Variants in PCDHGA2 observed in about 807,000 individuals in gnomAD.
The protein encoded by PCDHGA2 is protocadherin gamma-A2.
In PCDHGA2, 40 loss-of-function variants were observed where a neutral mutation model predicts 59.2. That is an observed-to-expected ratio of 0.68 (90% CI 0.52 to 0.88). PCDHGA2 has a LOEUF of 0.88. PCDHGA2 is among the 40% of genes least tolerant of loss of function. PCDHGA2 has a pLI of 0.00. For synonymous variants in PCDHGA2, 560 were observed against 526.0 expected (o/e 1.06, Z -0.89); for missense variants, 1,226 against 1,204.0 (o/e 1.02, Z -0.27).
rs1030624939 is a variant in PCDHGA2, at chr5:141,339,782, G to A, written c.811G>A (p.Glu271Lys). 1 of 1,614,230 alleles carries A rather than the reference G, an allele frequency of 6.2e-7. No individual in the cohort carries two copies. The highest frequency in any genetic ancestry group is 8.5e-7 in the Non-Finnish European group (1 of 1,180,040). Residue 271 changes from glutamate (E) to lysine (K), a missense_variant, in exon 1 of 4, where the codon GAG (glutamate) becomes AAG (lysine). Physicochemically the swap from Glu to Lys is moderately conservative, Grantham distance 56. Coordinates refer to ENST00000394576, the MANE Select transcript of PCDHGA2 (RefSeq NM_018915.4). ...ILTVTATDAD[E>K]GYYAQVVYFL... ...CACGGTGACCGCCACTGACGCAGAT[G>A]AGGGCTACTACGCTCAAGTGGTATA...
intron 1 of PCDHGA2, among the ~76,000 whole-genome samples, chr5:141,380,688 T>C (rs1176696155): frequency 6.6e-6 from 1 of 152,260 alleles, no homozygotes; most frequent in Non-Finnish European, 1.5e-5. Flanking sequence ...TGCTTTGTGT[T>C]CGGAGTAGTC....
chr5:141,487,933 A>ACCCTGTG lies in PCDHGA2; in HGVS notation c.2425-6873_2425-6872insCCTGTGC. 1.6e-6 allele frequency: 1 copy of ACCCTGTG among 612,004 alleles called. No individual in the cohort carries two copies. The highest frequency in any genetic ancestry group is 1.8e-5 in the African/African-American group (1 of 54,216). The allele number at this position is 612,004 out of a possible 1,614,324, so 37.9% of individuals were successfully genotyped here. On this transcript the variant is annotated intron_variant, in intron 1 of 3. Coordinates refer to ENST00000394576, the MANE Select transcript of PCDHGA2 (RefSeq NM_018915.4). The surrounding 1 kb of genome is among the most constrained non-coding windows in gnomAD (Gnocchi z 5.0). ...CACAGGAGGCTACAGTGCACAGGGT[A>ACCCTGTG]CAGTGCACCAGGCAGTCACTTGGAC... is the stretch of plus-strand genomic sequence containing the variant.
At chr5:141,388,332 A>G in intron 1 of PCDHGA2, 1 of 1,614,002 alleles carries the variant, frequency 6.2e-7, no homozygotes. Flanking sequence ...ACAGCCTGGC[A>G]CACGATTTAT....
chr5:141,364,993 A>C, intron 1 of PCDHGA2: 1 of 1,613,740 alleles, frequency 6.2e-7, no homozygotes, highest in Non-Finnish European at 8.5e-7. Context: ...GAGACCCGGT[A>C]CTCTCCGGCA....
At chr5:141,504,476 A>G (rs998883721) in intron 2 of PCDHGA2, among the ~76,000 whole-genome samples, 4 of 152,016 alleles carry the variant, frequency 2.6e-5, no homozygotes, top group African/African-American at 9.7e-5. Context: ...GGATGGGAGT[A>G]CAGTGGAGGC....
intron 1 of PCDHGA2, among the ~76,000 whole-genome samples, chr5:141,433,404 T>TATCTATCA (rs757435896): frequency 6.8e-6 from 1 of 146,200 alleles, no homozygotes; most frequent in Non-Finnish European, 1.5e-5. Flanking sequence ...TCTATCTATC[T>TATCTATCA]ATTACTTTCT....
chr5:141,431,660 A>G lies in PCDHGA2; in HGVS notation c.2425-63147A>G. On this transcript the variant is annotated intron_variant, in intron 1 of 3. Transcript: ENST00000394576. This position sits in a 1 kb window ranked among gnomAD's most constrained non-coding sequence, Gnocchi z 4.8. ...CAAACTAGATTGTAATTCAGGGACA[A>G]TATCAACAATAGGGGAGTTGGACCA... 7 of 1,614,256 alleles carry G rather than the reference A, an allele frequency of 4.3e-6. No individual in the cohort carries two copies. The highest frequency in any genetic ancestry group is 5.1e-6 in the Non-Finnish European group (6 of 1,180,046).
rs745835885 is a variant in PCDHGA2 at position 141,376,254 on chromosome 5, T to G, written c.2424+34859T>G. The G allele has an allele frequency of 2.5e-6, 4 of 1,614,098 alleles. No homozygotes were observed. In the African/African-American group the frequency reaches 5.3e-5, roughly 22 times the overall value. On this transcript the variant is annotated intron_variant, in intron 1 of 3. Transcript: ENST00000394576. ...CTGCAGCGCTGGCACAAGTCACGCC[T>G]GCTGCAGGCTTCGGGAGGTGGCTTA...
chr5:141,428,536 A>G (rs981530261), intron 1 of PCDHGA2: 1 of 273,778 alleles, frequency 3.7e-6, no homozygotes, highest in Non-Finnish European at 7.2e-6. Flanking sequence ...TTTTCTCACC[A>G]TGACACCAGA....
intron 1 of PCDHGA2, chr5:141,362,035 G>T (rs1246386759): frequency 1.2e-6 from 2 of 1,609,742 alleles, no homozygotes; most frequent in African/African-American, 1.3e-5. Context: ...TGCCTTGGGC[G>T]ACAGGGACGC....
At position 141,404,150 on chromosome 5, in the gene PCDHGA2, G is replaced by A. The variant is rs1325217999; in HGVS notation, c.2424+62755G>A. ...TTTTACATTAGAAAATTCAGAAGAA[G>A]ATTATTACAGATTGTTGACGGCCCA... is the stretch of plus-strand genomic sequence containing the variant. On this transcript the variant is annotated intron_variant, in intron 1 of 3. Coordinates refer to ENST00000394576, the MANE Select transcript of PCDHGA2 (RefSeq NM_018915.4). 5.0e-6 allele frequency: 8 copies of A among 1,612,830 alleles called. 1 individual carries two copies. In the Middle Eastern group the frequency reaches 6.6e-4, roughly 133 times the overall value.
intron 1 of PCDHGA2, chr5:141,383,948 C>T (rs199642192): frequency 3.1e-6 from 5 of 1,613,482 alleles, no homozygotes; most frequent in East Asian, 4.5e-5. Context: ...GTGACTATGA[C>T]GTCTTTAAGT....
chr5:141,388,004 A>G, intron 1 of PCDHGA2: 1 of 1,482,610 alleles, frequency 6.7e-7, no homozygotes, highest in Non-Finnish European at 9.1e-7. Context: ...TTCCCGAGGA[A>G]ATGCCCAAGG....
intron 1 of PCDHGA2, chr5:141,413,526 G>T: frequency 6.2e-7 from 1 of 1,613,936 alleles, no homozygotes; most frequent in Non-Finnish European, 8.5e-7. Context: ...TGGAAGACAG[G>T]GTGAAACTTT....
intron 1 of PCDHGA2, chr5:141,376,898 A>G (rs1251182955): frequency 5.2e-6 from 1 of 193,904 alleles, no homozygotes; most frequent in East Asian, 1.4e-4. Context: ...CTTGTTAGCC[A>G]GGATGGTCTC....
chr5:141,398,842 C>T (rs2093712910), intron 1 of PCDHGA2: 2 of 1,613,974 alleles, frequency 1.2e-6, no homozygotes, highest in Non-Finnish European at 1.7e-6. Flanking sequence ...CAATGATAAT[C>T]CCCCGGTATT....
chr5:141,484,941 C>T (rs2099604065), intron 1 of PCDHGA2: 2 of 543,888 alleles, frequency 3.7e-6, no homozygotes, highest in East Asian at 6.3e-5. Context: ...ACGTTCTCTG[C>T]TCAGCCTATT....
At chr5:141,440,868 T>A (rs1288344051) in intron 1 of PCDHGA2, 1 of 152,150 alleles carries the variant, frequency 6.6e-6, no homozygotes, top group East Asian at 1.9e-4. Flanking sequence ...ATCTAGGATG[T>A]GTACAGCGTC....
At chr5:141,398,580 A>G in intron 1 of PCDHGA2, 1 of 1,614,044 alleles carries the variant, frequency 6.2e-7, no homozygotes, top group Non-Finnish European at 8.5e-7. Context: ...CTGGCACAAG[A>G]TTTATACTAG....
Sources: gnomAD v4.1 joint callset for allele counts (sites outside exome capture counted in the v4.1 genomes callset) on GRCh38, gnomAD v4.1.1 for gene constraint, Gnocchi (gnomAD v3.1) non-coding constraint, MANE v1.5 for transcripts, NCBI Gene and HGNC (gene_info 2026-07-23, HGNC 2026-07-21) for gene names.